The following PATJ variants were observed in gnomAD, a reference collection of about 807,000 sequenced individuals.
PATJ encodes PATJ crumbs cell polarity complex component, also known as inaD-like protein.
PATJ carries 190 observed loss-of-function variants against 224.9 expected under a neutral mutation model. The observed-to-expected ratio is 0.84, with a 90% confidence interval of 0.75 to 0.95. The LOEUF is 0.95. PATJ is among the 40% of genes least tolerant of loss of function. PATJ has a pLI of 0.00. For missense variants in PATJ, 2,121 were observed against 2,270.3 expected (o/e 0.93, Z 1.34); for synonymous variants, 769 against 820.3 (o/e 0.94, Z 1.07).
chr1:61,800,053 A>G (rs997262810), intron 11 of PATJ, among the ~76,000 whole-genome samples: 1 of 152,246 alleles, frequency 6.6e-6, no homozygotes, highest in African/African-American at 2.4e-5. Context: ...TGAAATAAAC[A>G]TACAAGTACA....
intron 7 of PATJ, among the ~76,000 whole-genome samples, chr1:61,779,585 T>C (rs886184581): frequency 7.9e-5 from 12 of 152,290 alleles, no homozygotes; most frequent in African/African-American, 2.2e-4. Context: ...AGATGACACA[T>C]GTAATTTAAC....
intron 33 of PATJ, among the ~76,000 whole-genome samples, chr1:62,105,241 GGTCTTTTCTTT>G (rs1239314439): frequency 6.6e-6 from 1 of 151,980 alleles, no homozygotes; most frequent in Non-Finnish European, 1.5e-5. Context: ...ATTCCAAGGG[GGTCTTTTCTTT>G]CTTTTGAGTA....
intron 41 of PATJ, among the ~76,000 whole-genome samples, chr1:62,130,225 T>A (rs1158099313): frequency 1.3e-5 from 2 of 152,152 alleles, no homozygotes; most frequent in Non-Finnish European, 2.9e-5. Flanking sequence ...TCTTAGCTAC[T>A]CAAGAGACTG....
chr1:62,159,934 C>A (rs1669684752), intron 43 of PATJ, among the ~76,000 whole-genome samples: 1 of 152,114 alleles, frequency 6.6e-6, no homozygotes, highest in Non-Finnish European at 1.5e-5. Context: ...CACCTCAGGA[C>A]CTCCAAGCTG....
intron 22 of PATJ, among the ~76,000 whole-genome samples, chr1:61,887,425 G>A (rs1669044685): frequency 6.6e-6 from 1 of 152,240 alleles, no homozygotes; most frequent in Admixed American, 6.5e-5. Context: ...GAGTGATGAA[G>A]TGCTAATAAA....
At chr1:62,076,172 T>G (rs1272271490) in intron 31 of PATJ, among the ~76,000 whole-genome samples, 1 of 152,164 alleles carries the variant, frequency 6.6e-6, no homozygotes, top group Non-Finnish European at 1.5e-5. Context: ...AACCATGGAT[T>G]CTTAAGCCAG....
chr1:61,822,894 A>G (rs1657567822), intron 14 of PATJ, 51 bp from the exon 15 acceptor site: 1 of 1,607,078 alleles, frequency 6.2e-7, no homozygotes, highest in Non-Finnish European at 8.5e-7. Context: ...GAGGATGAAT[A>G]GCCGGATGTG....
intron 28 of PATJ, chr1:61,991,905 T>G (rs1275316955): frequency 5.7e-6 from 1 of 174,284 alleles, no homozygotes; most frequent in Non-Finnish European, 1.1e-5. Context: ...GCTAGCACTG[T>G]GCATATGCAT....
intron 26 of PATJ, among the ~76,000 whole-genome samples, chr1:61,921,278 GA>G (rs1410373435): frequency 1.3e-5 from 2 of 152,166 alleles, no homozygotes; most frequent in East Asian, 3.8e-4. Context: ...AAAAGATGAG[GA>G]AAAGTGTCAT....
chr1:61,797,810 T>G (rs570679183), intron 11 of PATJ, among the ~76,000 whole-genome samples: 1 of 145,270 alleles, frequency 6.9e-6, no homozygotes. Context: ...TTCCTATTAC[T>G]TTTTTTTTTT....
rs185880428 is a variant in PATJ at position 61,857,910 on chromosome 1, T to C, written c.2322+1671T>C. Among the ~76,000 whole-genome samples the C allele has an allele frequency of 4.8e-3, 734 of 152,336 alleles. 7 individuals carry two copies. Among genetic ancestry groups the C allele is most frequent in the African/African-American group, 0.017 (703 of 41,572 alleles). On this transcript the variant is annotated intron_variant, in intron 18 of 43. Coordinates refer to ENST00000642238, the MANE Select transcript of PATJ (RefSeq NM_001350145.3). ...AGACTAGAGAATTCCGAAGGTATTT[T>C]TTTAACTCCAATTCTTTAATGTATG...
chr1:61,745,913 T>A (rs1286706), intron 1 of PATJ, among the ~76,000 whole-genome samples: 149,125 of 151,914 alleles, frequency 0.98, 73,258 homozygotes, highest in Middle Eastern at 1. Context: ...AATTATTTTT[T>A]TTTTTAAAAA....
chr1:62,161,038 TAACTG>T lies in PATJ; in HGVS notation c.5634_5638del (p.Leu1878PhefsTer17). The T allele has an allele frequency of 6.3e-7, 1 of 1,578,168 alleles. No individual in the cohort carries two copies. Among genetic ancestry groups the T allele is most frequent in the Non-Finnish European group, 8.6e-7 (1 of 1,163,050 alleles). ...AAACACCAGAGAGGGACTGTAACCTTAACTGTGCTGTCATGAGCCTCGGGCCTGAT... is the reference window on the plus strand; with the variant it reads ...AAACACCAGAGAGGGACTGTAACCTTTGCTGTCATGAGCCTCGGGCCTGAT... On this transcript the variant is annotated frameshift_variant, in exon 44 of 44. Coordinates refer to ENST00000642238, the MANE Select transcript of PATJ (RefSeq NM_001350145.3). LOFTEE classifies it high-confidence loss of function.
In PATJ at chr1:61,787,838, G is replaced by T; in HGVS notation, c.934G>T (p.Val312Phe). ...AATGACCAGTGAGCAAGTTGCACAA[G>T]TTCTAAGGAACTGTGGGAATTCAGT... ...QGMTSEQVAQVLRNCGNSVRM... is the reference protein window; with the variant it reads ...QGMTSEQVAQFLRNCGNSVRM... Residue 312 changes from valine (V) to phenylalanine (F), a missense_variant, in exon 8 of 44, where the codon GTT (valine) becomes TTT (phenylalanine). By Grantham distance (50) the Val-to-Phe change is conservative. Transcript: ENST00000642238. 1.2e-6 allele frequency: 2 copies of T among 1,614,168 alleles called. No individual in the cohort carries two copies. Among genetic ancestry groups the T allele is most frequent in the Non-Finnish European group, 1.7e-6 (2 of 1,179,986 alleles).
chr1:62,098,760 T>G lies in PATJ; in HGVS notation c.4378-9677T>G, dbSNP rs193211468. Among the ~76,000 whole-genome samples, 9 of 152,360 alleles carry G rather than the reference T, an allele frequency of 5.9e-5. No homozygotes were observed. In the East Asian group the frequency reaches 1.7e-3, roughly 29 times the overall value. On this transcript the variant is annotated intron_variant, in intron 33 of 43. Coordinates refer to ENST00000642238, the MANE Select transcript of PATJ (RefSeq NM_001350145.3). ...CTTTCACAGACTACTGCACATTTTT[T>G]TAAAATCACATTCTAGTTGAATATA...
Position 62,024,320 on chromosome 1 carries a change from A to G in PATJ, c.3959+6373A>G, listed in dbSNP as rs538246291. Among the ~76,000 whole-genome samples, 27 of 152,236 alleles carry G rather than the reference A, an allele frequency of 1.8e-4. 1 individual carries two copies. In the East Asian group the frequency reaches 5.2e-3, roughly 29 times the overall value. On this transcript the variant is annotated intron_variant, in intron 29 of 43. Coordinates refer to ENST00000642238, the MANE Select transcript of PATJ (RefSeq NM_001350145.3). The stretch of plus-strand genomic sequence containing the variant: ...TCTGGTAGAATTCAGTTGTGAATCC[A>G]TCTGGTCCAGGGCTTTTTTTGGTTG...
chr1:61,863,051 TTTG>T, intron 19 of PATJ, among the ~76,000 whole-genome samples: 1 of 147,662 alleles, frequency 6.8e-6, no homozygotes. Flanking sequence ...TTTTTTTTTT[TTTG>T]AGATGGTATC....
intron 33 of PATJ, among the ~76,000 whole-genome samples, chr1:62,102,521 A>C (rs2148840122): frequency 6.6e-6 from 1 of 152,276 alleles, no homozygotes; most frequent in South Asian, 2.1e-4. Context: ...CAGAAATAGG[A>C]CTGAAAAGCT....
At position 62,038,025 on chromosome 1, in the gene PATJ, A is replaced by G. The variant is rs576715062; in HGVS notation, c.4008A>G (p.Pro1336=). The change falls in exon 30 of 44, where the codon CCA becomes CCG. Residue 1336 remains proline (P), a synonymous_variant. Transcript: ENST00000642238. Reference sequence around the variant, plus strand: ...TGGCCGTTACTCCCTTTCCAGTGCCATCAAGTTCTCCATCTTCTATTGAGG... The same window carrying G: ...TGGCCGTTACTCCCTTTCCAGTGCCGTCAAGTTCTCCATCTTCTATTGAGG... ...NQMAVTPFPV[P]SSSPSSIEDQ... is the part of the protein sequence containing the mutation. The G allele has an allele frequency of 4.4e-6, 7 of 1,598,342 alleles. No individual in the cohort carries two copies. Among genetic ancestry groups the G allele is most frequent in the Admixed American group, 3.4e-5 (2 of 58,998 alleles).
Sources: gnomAD v4.1 joint callset for allele counts (sites outside exome capture counted in the v4.1 genomes callset) on GRCh38, gnomAD v4.1.1 for gene constraint, MANE v1.5 for transcripts, NCBI Gene and HGNC (gene_info 2026-07-23, HGNC 2026-07-21) for gene names.